The following SV2C variants were observed in gnomAD, a reference collection of about 807,000 sequenced individuals.
The protein encoded by SV2C is solute carrier family 22 member B3.
Under a neutral mutation model 79.7 loss-of-function variants are expected in SV2C, and 49 were observed. The observed-to-expected ratio is 0.61, with a 90% confidence interval of 0.49 to 0.78. The LOEUF is 0.78. SV2C is among the 30% of genes least tolerant of loss of function. The pLI is 0.00. For missense variants in SV2C, 833 were observed against 912.9 expected, an observed-to-expected ratio of 0.91 and a Z score of 1.13; for synonymous variants, 334 against 333.2, an observed-to-expected ratio of 1.00 and a Z score of -0.03.
In SV2C at chr5:76,333,406, C is replaced by T. The variant is rs1749239239; in HGVS notation, c.*7859C>T. The T allele has an allele frequency of 6.6e-6, 1 of 152,180 alleles. No individual in the cohort carries two copies. Among genetic ancestry groups the T allele is most frequent in the Admixed American group, 6.5e-5 (1 of 15,284 alleles). The allele number at this position is 152,180 out of a possible 1,614,324, so 9.4% of individuals were successfully genotyped here. A position where few individuals can be genotyped will look rare whatever the true frequency, so the allele number is the denominator to read the frequency against. On this transcript the variant is annotated 3_prime_UTR_variant, in exon 13 of 13. Coordinates refer to ENST00000502798, the MANE Select transcript of SV2C (RefSeq NM_014979.4). Reference sequence around the variant, plus strand: ...AAATAACATGATAGAAGAGTTTTCTCTTTCAGGTGAACTTCCATTTTGAAC... The same window carrying T: ...AAATAACATGATAGAAGAGTTTTCTTTTTCAGGTGAACTTCCATTTTGAAC...
chr5:76,168,818 C>T (rs1743125345), intron 2 of SV2C, among the ~76,000 whole-genome samples: 1 of 152,174 alleles, frequency 6.6e-6, no homozygotes, highest in Non-Finnish European at 1.5e-5. Flanking sequence ...GTGCCAGCGA[C>T]ACTTTTAACC....
rs1747313286 is a variant in SV2C at position 76,285,235 on chromosome 5, C to T, written c.987C>T (p.Pro329=). The T allele has an allele frequency of 6.2e-7, 1 of 1,614,222 alleles. No homozygotes were observed. Among genetic ancestry groups the T allele is most frequent in the African/African-American group, 1.3e-5 (1 of 75,058 alleles). Residue 329 remains proline, a synonymous_variant, in exon 5 of 13, where the codon CCC becomes CCT. Coordinates refer to ENST00000502798, the MANE Select transcript of SV2C (RefSeq NM_014979.4). ...WRVFVIVCAL[P]CVSSVVALTF... ...TGTTTGTCATCGTCTGTGCACTCCC[C>T]TGTGTCTCCTCCGTGGTGGCCCTCA... is the stretch of plus-strand genomic sequence containing the variant.
chr5:76,339,191 A>T (rs564277847), intron 12 of SV2C, among the ~76,000 whole-genome samples: 30 of 152,324 alleles, frequency 2.0e-4, no homozygotes, highest in East Asian at 3.9e-4. Context: ...TACGCATTTT[A>T]AAAAAACTGA....
the SV2C span, among the ~76,000 whole-genome samples, chr5:75,927,049 AC>A: frequency 2.0e-5 from 3 of 152,036 alleles, no homozygotes; most frequent in African/African-American, 7.2e-5. Flanking sequence ...ATTCTAGAGG[AC>A]TCGAGGCATA....
At chr5:75,921,667 T>G in the SV2C span, 1 of 638,090 alleles carries the variant, frequency 1.6e-6, no homozygotes, top group East Asian at 3.8e-5. Context: ...GGCCCCCTTT[T>G]ATCTGTTGGT....
At chr5:76,036,449 A>G in the SV2C span, among the ~76,000 whole-genome samples, 3 of 151,862 alleles carry the variant, frequency 2.0e-5, no homozygotes, top group East Asian at 1.9e-4. Context: ...GGTGGTGACA[A>G]AATCTCTCAG....
the SV2C span, among the ~76,000 whole-genome samples, chr5:76,006,021 A>G: frequency 5.3e-5 from 8 of 152,294 alleles, no homozygotes; most frequent in South Asian, 1.7e-3. Flanking sequence ...TTCTAAACAG[A>G]GACAGCGTCT....
the SV2C span, among the ~76,000 whole-genome samples, chr5:76,039,510 G>A: frequency 2.0e-5 from 3 of 152,078 alleles, no homozygotes; most frequent in Non-Finnish European, 4.4e-5. Context: ...AATCCCAGCA[G>A]TTTGCGAGGC....
At chr5:76,076,937 C>T in the SV2C span, among the ~76,000 whole-genome samples, 1,137 of 152,240 alleles carry the variant, frequency 7.5e-3, 13 homozygotes, top group Non-Finnish European at 0.012. Context: ...TAGGTTTTGT[C>T]TTGTATCCCC....
intron 4 of SV2C, among the ~76,000 whole-genome samples, chr5:76,232,149 A>G (rs1403916572): frequency 1.3e-5 from 2 of 148,938 alleles, no homozygotes; most frequent in African/African-American, 5.2e-5. Flanking sequence ...GTGAGTTGGT[A>G]TCTCATTGTG....
intron 4 of SV2C, among the ~76,000 whole-genome samples, chr5:76,270,931 G>A (rs1217697191): frequency 1.3e-5 from 2 of 151,958 alleles, no homozygotes; most frequent in Non-Finnish European, 2.9e-5. Context: ...ACTGCATCCA[G>A]CTAATTTTTG....
chr5:75,848,317 G>T, the SV2C span, among the ~76,000 whole-genome samples: 1 of 152,300 alleles, frequency 6.6e-6, no homozygotes, highest in South Asian at 2.1e-4. Context: ...AGAGGGCAGG[G>T]GAGTTATATC....
intron 4 of SV2C, among the ~76,000 whole-genome samples, chr5:76,222,799 A>G (rs1244517057): frequency 2.6e-5 from 4 of 152,208 alleles, no homozygotes; most frequent in South Asian, 2.1e-4. Context: ...TTATCTATTT[A>G]TTCTAACAAT....
chr5:76,142,818 A>C (rs1749299448), intron 2 of SV2C, among the ~76,000 whole-genome samples: 1 of 152,158 alleles, frequency 6.6e-6, no homozygotes, highest in South Asian at 2.1e-4. Context: ...ATGCCAGACA[A>C]CACAGGCCCA....
At chr5:76,307,186 A>C (rs1031936991) in intron 12 of SV2C, among the ~76,000 whole-genome samples, 1 of 152,236 alleles carries the variant, frequency 6.6e-6, no homozygotes, top group Non-Finnish European at 1.5e-5. Context: ...TTGTCAAAAA[A>C]CAAAATTACA....
intron 5 of SV2C, 81 bp from the exon 6 acceptor site, chr5:76,285,700 A>T: frequency 8.6e-7 from 1 of 1,156,608 alleles, no homozygotes; most frequent in Non-Finnish European, 1.3e-6. Context: ...ATTTGATCTG[A>T]CAATGCAAGA....
intron 12 of SV2C, among the ~76,000 whole-genome samples, chr5:76,347,906 C>G (rs537499462): frequency 6.6e-6 from 1 of 152,236 alleles, no homozygotes; most frequent in East Asian, 1.9e-4. Context: ...AACTGATGAC[C>G]CTACTTTGAC....
At chr5:76,038,105 G>T in the SV2C span, among the ~76,000 whole-genome samples, 2 of 152,238 alleles carry the variant, frequency 1.3e-5, no homozygotes, top group African/African-American at 2.4e-5. Context: ...TTCGGCTCAC[G>T]CACGGTGCGT....
rs142600654 is a variant in SV2C, at chr5:76,319,399, C to T, written c.2001-5965C>T. 8.2e-3 allele frequency among the ~76,000 whole-genome samples: 1,243 copies of T among 151,984 alleles called. 12 individuals are homozygous for T. Among genetic ancestry groups the T allele is most frequent in the African/African-American group, 0.024 (1,009 of 41,426 alleles). ...CGCCACTGCACTCCAGCCTGGGCCA[C>T]AGAGCGAGACTCCATCTCAAAAAAA... On this transcript the variant is annotated intron_variant, in intron 12 of 12. Coordinates refer to ENST00000502798, the MANE Select transcript of SV2C (RefSeq NM_014979.4).
Sources: gnomAD v4.1 joint callset for allele counts (sites outside exome capture counted in the v4.1 genomes callset) on GRCh38, gnomAD v4.1.1 for gene constraint, MANE v1.5 for transcripts, NCBI Gene and HGNC (gene_info 2026-07-23, HGNC 2026-07-21) for gene names.